The following MYH14 variants were observed in gnomAD, a reference collection of about 807,000 sequenced individuals.
MYH14 encodes the protein myosin-14.
Under a neutral mutation model 255.5 loss-of-function variants are expected in MYH14, and 123 were observed. The observed-to-expected ratio is 0.48, with a 90% confidence interval of 0.42 to 0.56. The LOEUF (loss-of-function observed/expected upper bound fraction) is 0.56. MYH14 is among the 20% of genes least tolerant of loss of function. The pLI, the probability that MYH14 is intolerant of heterozygous loss-of-function variation, is 0.00. For synonymous variants in MYH14, 1,095 were observed against 1,161.2 expected, an observed-to-expected ratio of 0.94 and a Z score of 1.16; for missense variants, 2,423 against 2,802.3, an observed-to-expected ratio of 0.86 and a Z score of 3.06.
In MYH14 at chr19:50,286,712, T is replaced by G; in HGVS notation, c.4752+18T>G. ...GCAAGAGCGTGAGCAGGGCCCCCGCTCCCCGGGACACACTGGGTGAGGGGA... is the reference window on the plus strand; with the variant it reads ...GCAAGAGCGTGAGCAGGGCCCCCGCGCCCCGGGACACACTGGGTGAGGGGA... On this transcript the variant is annotated intron_variant, in intron 34 of 42. Coordinates refer to ENST00000642316, the MANE Select transcript of MYH14 (RefSeq NM_001145809.2). 1 of 1,555,336 alleles carries G rather than the reference T, an allele frequency of 6.4e-7. No homozygotes were observed. The highest frequency in any genetic ancestry group is 8.7e-7 in the Non-Finnish European group (1 of 1,150,082).
intron 10 of MYH14, among the ~76,000 whole-genome samples, chr19:50,243,577 A>G (rs557731708): frequency 4.8e-4 from 73 of 152,196 alleles, no homozygotes; most frequent in African/African-American, 1.6e-3. Flanking sequence ...GCAGTGAGCT[A>G]TGATCGTGCC....
chr19:50,252,561 T>C lies in MYH14; in HGVS notation c.1831-78T>C. 1 of 1,005,000 alleles carries C rather than the reference T, an allele frequency of 1.0e-6. No homozygotes were observed. The allele number at this position is 1,005,000 out of a possible 1,614,324, so 62.3% of individuals were successfully genotyped here. ...GCTCCAGACCTGGGAGTCTCAGAGC[T>C]TCTGGAAGGCTCCTTAGGAAATCCA... On this transcript the variant is annotated intron_variant, in intron 15 of 42. Coordinates refer to ENST00000642316, the MANE Select transcript of MYH14 (RefSeq NM_001145809.2). This position sits in a 1 kb window ranked among gnomAD's most constrained non-coding sequence, Gnocchi z 4.2.
At position 50,301,651 on chromosome 19, in the gene MYH14, C is replaced by T. The variant is rs765421001; in HGVS notation, c.5470-10C>T. On this transcript the variant is annotated splice_polypyrimidine_tract_variant and intron_variant, in intron 39 of 42. Transcript: ENST00000642316. ...CCACCATGACATCCTTCCTTCCCCT[C>T]CTGCTACAGGTAGAGTCACTGACCA... 11 of 1,605,578 alleles carry T rather than the reference C, an allele frequency of 6.9e-6. No individual in the cohort carries two copies. The highest frequency in any genetic ancestry group is 3.3e-5 in the Admixed American group (2 of 59,894).
In MYH14 at chr19:50,309,946, G is replaced by T. The variant is rs929791430; in HGVS notation, c.*156G>T. 3 of 772,118 alleles carry T rather than the reference G, an allele frequency of 3.9e-6. No individual in the cohort carries two copies. Among genetic ancestry groups the T allele is most frequent in the East Asian group, 2.7e-5 (1 of 37,506 alleles). The allele number at this position is 772,118 out of a possible 1,614,324, so 47.8% of individuals were successfully genotyped here. ...TTTATCACCCCCACCTGGGTCCCCT[G>T]CAACCTCCCATCAAAGGATGACCCC... On this transcript the variant is annotated 3_prime_UTR_variant, in exon 43 of 43. Coordinates refer to ENST00000642316, the MANE Select transcript of MYH14 (RefSeq NM_001145809.2).
At chr19:50,238,919 ACAGACCAGCAGTGTCAC>A (rs1373845974) in intron 10 of MYH14, among the ~76,000 whole-genome samples, 1 of 152,072 alleles carries the variant, frequency 6.6e-6, no homozygotes, top group Non-Finnish European at 1.5e-5. Flanking sequence ...TTATACAACC[ACAGACCAGCAGTGTCAC>A]CAGGAAATCG....
In MYH14 at chr19:50,260,776, CGTGCATGTGTGT is replaced by C. The variant is rs1327405557; in HGVS notation, c.2424+69_2424+80del. On this transcript the variant is annotated intron_variant, in intron 20 of 42. Transcript: ENST00000642316. ...GTGTGTGTGTGCGTGCATGAGTGTG[CGTGCATGTGTGT>C]GTGCATGCATATGTGTGCATGCGTG... 1,476 of 1,270,398 alleles carry C rather than the reference CGTGCATGTGTGT, an allele frequency of 1.2e-3. 4 individuals carry two copies. Among genetic ancestry groups the C allele is most frequent in the Admixed American group, 2.7e-3 (142 of 52,888 alleles). The allele number at this position is 1,270,398 out of a possible 1,614,324, so 78.7% of individuals were successfully genotyped here.
At chr19:50,297,306 C>T (rs1317598638) in intron 39 of MYH14, among the ~76,000 whole-genome samples, 2 of 151,726 alleles carry the variant, frequency 1.3e-5, no homozygotes, top group African/African-American at 4.8e-5. Context: ...TCTCGTGGTC[C>T]TGGAGGCCAG....
At chr19:50,267,623 A>AAATAATAAT (rs56141769) in intron 23 of MYH14, among the ~76,000 whole-genome samples, 40 of 149,212 alleles carry the variant, frequency 2.7e-4, no homozygotes, top group East Asian at 6.0e-4. Context: ...TCTGTCTCAA[A>AAATAATAAT]AATAATAATA....
intron 3 of MYH14, among the ~76,000 whole-genome samples, 155 bp from the exon 4 acceptor site, chr19:50,222,927 TG>T (rs2032908784): frequency 6.6e-6 from 1 of 152,234 alleles, no homozygotes; most frequent in East Asian, 1.9e-4. Context: ...CTGAGCTGGG[TG>T]GGGAATTAGA....
rs756798429 is a variant in MYH14 at position 50,223,292 on chromosome 19, C to A, written c.636C>A (p.Ile212=). 5 of 1,607,420 alleles carry A rather than the reference C, an allele frequency of 3.1e-6. No individual in the cohort carries two copies. Among genetic ancestry groups the A allele is most frequent in the Non-Finnish European group, 4.2e-6 (5 of 1,176,714 alleles). The change falls in exon 5 of 43, where the codon ATC becomes ATA. Residue 212 remains isoleucine, a synonymous_variant. Transcript: ENST00000642316. ...AGKTENTKKV[I]QYLAHVASSP... The stretch of plus-strand genomic sequence containing the variant: ...AGACGGAAAACACCAAGAAGGTCAT[C>A]CAGTACCTCGCCCACGTGGCGTCGT...
At chr19:50,283,910 T>C (rs955389413) in intron 33 of MYH14, among the ~76,000 whole-genome samples, 1 of 152,034 alleles carries the variant, frequency 6.6e-6, no homozygotes, top group East Asian at 1.9e-4. Context: ...CCGTCTCTAC[T>C]AAAAATACAA....
chr19:50,210,063 A>T (rs1172370851), intron 1 of MYH14, among the ~76,000 whole-genome samples: 1 of 121,888 alleles, frequency 8.2e-6, no homozygotes, highest in Non-Finnish European at 1.6e-5. Context: ...ACGCCATTGC[A>T]CTCCAGCCTG....
intron 1 of MYH14, among the ~76,000 whole-genome samples, chr19:50,207,267 G>GAGAC (rs1376988363): frequency 2.5e-5 from 3 of 121,200 alleles, no homozygotes; most frequent in Non-Finnish European, 4.9e-5. Flanking sequence ...AAGAGAGAGA[G>GAGAC]AGACAGAGAG....
intron 25 of MYH14, 116 bp downstream of exon 25, chr19:50,271,662 G>T: frequency 2.0e-6 from 3 of 1,479,734 alleles, no homozygotes; most frequent in Non-Finnish European, 2.7e-6. Flanking sequence ...GTGCACCGGT[G>T]GGGGTGGGAT....
Position 50,276,485 on chromosome 19 carries a change from G to A in MYH14, c.3681-272G>A, listed in dbSNP as rs1017488840. Among the ~76,000 whole-genome samples, 1 of 152,116 alleles carries A rather than the reference G, an allele frequency of 6.6e-6. No homozygotes were observed. Among genetic ancestry groups the A allele is most frequent in the African/African-American group, 2.4e-5 (1 of 41,420 alleles). The stretch of plus-strand genomic sequence containing the variant: ...CGGAGTAACACGGGGCACTGTGGGT[G>A]ATAAGTGAAGACCCCTAAACCAAGT... On this transcript the variant is annotated intron_variant, in intron 28 of 42. Coordinates refer to ENST00000642316, the MANE Select transcript of MYH14 (RefSeq NM_001145809.2). The surrounding 1 kb of genome is among the most constrained non-coding windows in gnomAD (Gnocchi z 4.3).
In MYH14 at chr19:50,273,601, G is replaced by GTGTGTGTGTGTGTGTGTGTGTGT. The variant is rs1555772397; in HGVS notation, c.3467+870_3467+871insTGTGTGTGTGTGTGTGTGTGTGT. Among the ~76,000 whole-genome samples, 307 of 137,564 alleles carry GTGTGTGTGTGTGTGTGTGTGTGT rather than the reference G, an allele frequency of 2.2e-3. 4 individuals carry two copies. The highest frequency in any genetic ancestry group is 3.2e-3 in the African/African-American group (118 of 37,172). 90.2% of individuals were successfully genotyped at this position (137,564 alleles called of 152,430 possible). A position where few individuals can be genotyped will look rare whatever the true frequency, so the allele number is the denominator to read the frequency against. ...ATCTTAGAGTTGATGGAACATGGGGGGTGTGTGTGTGTGTGTGTGTGTGTG... is the reference window on the plus strand; with the variant it reads ...ATCTTAGAGTTGATGGAACATGGGGGTGTGTGTGTGTGTGTGTGTGTGTGTGTGTGTGTGTGTGTGTGTGTGTG... On this transcript the variant is annotated intron_variant, in intron 27 of 42. Coordinates refer to ENST00000642316, the MANE Select transcript of MYH14 (RefSeq NM_001145809.2).
At chr19:50,284,290 G>C (rs1310454369) in intron 33 of MYH14, among the ~76,000 whole-genome samples, 1 of 151,936 alleles carries the variant, frequency 6.6e-6, no homozygotes, top group Non-Finnish European at 1.5e-5. Context: ...TTTTAGTATT[G>C]TATATAAGAA....
At chr19:50,256,584 G>A (rs1300777271) in intron 17 of MYH14, among the ~76,000 whole-genome samples, 1 of 152,140 alleles carries the variant, frequency 6.6e-6, no homozygotes, top group Non-Finnish European at 1.5e-5. Flanking sequence ...ATGTTGGCCA[G>A]GCTGGCCTCG....
Position 50,309,807 on chromosome 19 carries a change from G to A in MYH14, c.*17G>A. 1 of 1,268,378 alleles carries A rather than the reference G, an allele frequency of 7.9e-7. No homozygotes were observed. The highest frequency in any genetic ancestry group is 4.4e-5 in the East Asian group (1 of 22,638). The allele number at this position is 1,268,378 out of a possible 1,614,324, so 78.6% of individuals were successfully genotyped here. ...CCCCAGTGACCCTACCCTGTCCCCA[G>A]ATGCACTAACAGATGGGGCCCAGCC... On this transcript the variant is annotated 3_prime_UTR_variant, in exon 43 of 43. Transcript: ENST00000642316.
Sources: gnomAD v4.1 joint callset for allele counts (sites outside exome capture counted in the v4.1 genomes callset) on GRCh38, gnomAD v4.1.1 for gene constraint, Gnocchi (gnomAD v3.1) non-coding constraint, MANE v1.5 for transcripts, NCBI Gene and HGNC (gene_info 2026-07-23, HGNC 2026-07-21) for gene names.